ETV7: variants seen among roughly 807,000 people sequenced by gnomAD.
The protein encoded by ETV7 is ETS variant transcription factor 7.
In ETV7, 43 loss-of-function variants were observed where a neutral mutation model predicts 39.1. The observed-to-expected ratio is 1.10, with a 90% confidence interval of 0.86 to 1.42. The LOEUF is 1.42. Ranked by LOEUF, ETV7 falls within the 40% of genes most tolerant of loss-of-function variation. The pLI is 0.00. For synonymous variants in ETV7, 196 were observed against 176.6 expected, an observed-to-expected ratio of 1.11 and a Z score of -0.87; for missense variants, 432 against 442.3, an observed-to-expected ratio of 0.98 and a Z score of 0.21.
chr6:36,382,979 A>G (rs1203419904), intron 2 of ETV7, among the ~76,000 whole-genome samples: 1 of 73,704 alleles, frequency 1.4e-5, no homozygotes, highest in Non-Finnish European at 2.6e-5. Flanking sequence ...CCTGAGTCTC[A>G]GTTTCTCTGT....
intron 2 of ETV7, 113 bp from the exon 3 acceptor site, chr6:36,376,148 C>T (rs1773332511): frequency 1.1e-6 from 1 of 920,946 alleles, no homozygotes; most frequent in Non-Finnish European, 1.6e-6. Context: ...CAACCCCCAT[C>T]ATCTTCTGTC....
At chr6:36,381,444 C>T (rs950404328) in intron 2 of ETV7, among the ~76,000 whole-genome samples, 1 of 152,198 alleles carries the variant, frequency 6.6e-6, no homozygotes, top group Non-Finnish European at 1.5e-5. Flanking sequence ...ATACGGTATG[C>T]TCATCACAAT....
rs149022661 is a variant in ETV7 at position 36,356,358 on chromosome 6, A to C, written c.909-1671T>G. Among the ~76,000 whole-genome samples, 264 of 152,044 alleles carry C rather than the reference A, an allele frequency of 1.7e-3. 1 individual carries two copies. Among genetic ancestry groups the C allele is most frequent in the African/African-American group, 5.9e-3 (245 of 41,498 alleles). Reference sequence around the variant, plus strand: ...AAAAAAACAAAAAAAAACACAAACAAACACACGTATCCCAAACATATATAC... The same window carrying C: ...AAAAAAACAAAAAAAAACACAAACACACACACGTATCCCAAACATATATAC... On this transcript the variant is annotated intron_variant, in intron 7 of 7. Coordinates refer to the ETV7 transcript ENST00000339796.
chr6:36,376,920 C>T (rs1385583812), intron 2 of ETV7, among the ~76,000 whole-genome samples: 1 of 152,166 alleles, frequency 6.6e-6, no homozygotes, highest in Non-Finnish European at 1.5e-5. Flanking sequence ...TTTTCTGCTC[C>T]ATTGTGCCAA....
Position 36,371,332 on chromosome 6 carries a change from G to A in ETV7, c.662C>T (p.Ala221Val). 1.3e-6 allele frequency: 2 copies of A among 1,581,716 alleles called. No homozygotes were observed. Among genetic ancestry groups the A allele is most frequent in the Non-Finnish European group, 1.7e-6 (2 of 1,162,736 alleles). ...CAGAGGAACAGCCTCCCACTCACCAGCGATCCTGCCGTCAATGGGGGCCTG... is the reference window on the plus strand; with the variant it reads ...CAGAGGAACAGCCTCCCACTCACCAACGATCCTGCCGTCAATGGGGGCCTG... ...MPQAPIDGRI[A>V]DCRLLWDYVY... Residue 221 changes from alanine (A) to valine (V), a missense_variant and splice_region_variant, in exon 5 of 8, where the codon GCT becomes GTT. Transcript: ENST00000340181.
chr6:36,375,025 C>T (rs539195706), intron 3 of ETV7, among the ~76,000 whole-genome samples: 33 of 149,340 alleles, frequency 2.2e-4, no homozygotes, highest in East Asian at 7.8e-4. Context: ...GCCAGGATCG[C>T]GCCACTACAC....
intron 7 of ETV7, among the ~76,000 whole-genome samples, chr6:36,356,650 G>A (rs1165030989): frequency 1.3e-5 from 2 of 152,186 alleles, no homozygotes; most frequent in Non-Finnish European, 2.9e-5. Flanking sequence ...CAGTTGCTGT[G>A]GCCACGGAAA....
At chr6:36,367,855 G>A (rs576392840) in intron 6 of ETV7, among the ~76,000 whole-genome samples, 1 of 152,086 alleles carries the variant, frequency 6.6e-6, no homozygotes, top group East Asian at 1.9e-4. Flanking sequence ...ATGAAAAGGA[G>A]AACACCCATC....
At chr6:36,384,758 A>G (rs1773811892) in intron 2 of ETV7, among the ~76,000 whole-genome samples, 1 of 152,028 alleles carries the variant, frequency 6.6e-6, no homozygotes, top group South Asian at 2.1e-4. Flanking sequence ...GTGTGGTGGC[A>G]CACACCTGTA....
intron 7 of ETV7, among the ~76,000 whole-genome samples, chr6:36,360,383 A>G (rs912300489): frequency 6.6e-6 from 1 of 152,200 alleles, no homozygotes; most frequent in East Asian, 1.9e-4. Flanking sequence ...GAAAATAGGA[A>G]TTGCAGAAAC....
At chr6:36,369,843 C>T (rs1483951280) in intron 5 of ETV7, among the ~76,000 whole-genome samples, 1 of 151,610 alleles carries the variant, frequency 6.6e-6, no homozygotes, top group Non-Finnish European at 1.5e-5. Flanking sequence ...GAATTTGAGG[C>T]AGCAGTGAGC....
At position 36,356,543 on chromosome 6, in the gene ETV7, T is replaced by G. The variant is rs181993407; in HGVS notation, c.909-1856A>C. Among the ~76,000 whole-genome samples, 692 of 152,278 alleles carry G rather than the reference T, an allele frequency of 4.5e-3. 7 individuals are homozygous for G. Among genetic ancestry groups the G allele is most frequent in the African/African-American group, 0.016 (655 of 41,562 alleles). The stretch of plus-strand genomic sequence containing the variant: ...GTCCCCTCATGGCAGAAGACACAGC[T>G]GCCACTAGCTTGGGGTAACTTCCCA... On this transcript the variant is annotated intron_variant, in intron 7 of 7. Transcript: ENST00000339796.
At position 36,371,365 on chromosome 6, in the gene ETV7, G is replaced by T; in HGVS notation, c.629C>A (p.Ala210Glu). 6.3e-7 allele frequency: 1 copy of T among 1,598,888 alleles called. No homozygotes were observed. Among genetic ancestry groups the T allele is most frequent in the Non-Finnish European group, 8.5e-7 (1 of 1,171,782 alleles). The change falls in exon 5 of 8, where the codon GCG becomes GAG. Residue 210 changes from alanine (A) to glutamate (E), a missense_variant. Ala to Glu is a moderately radical substitution (Grantham distance 107). Coordinates refer to ENST00000340181, the MANE Select transcript of ETV7 (RefSeq NM_016135.4). ...CRTQGVCSFP[A>E]MPQAPIDGRI... ...GCCGTCAATGGGGGCCTGCGGCATC[G>T]CGGGGAAGGAACAGACCCCCTGGGT...
chr6:36,383,812 A>C (rs1773765817), intron 2 of ETV7, among the ~76,000 whole-genome samples: 1 of 152,368 alleles, frequency 6.6e-6, no homozygotes, highest in East Asian at 1.9e-4. Flanking sequence ...ATGTTCCAAT[A>C]AATATGAGTC....
intron 7 of ETV7, among the ~76,000 whole-genome samples, chr6:36,357,917 A>G (rs60574842): frequency 0.041 from 6,292 of 152,058 alleles, 244 homozygotes; most frequent in East Asian, 0.13. Context: ...CACCTCCCCA[A>G]TCCTTCACGC....
downstream of ETV7, among the ~76,000 whole-genome samples, chr6:36,362,398 G>A (rs7739960): frequency 0.07 from 10,721 of 152,144 alleles, 707 homozygotes; most frequent in African/African-American, 0.17. Flanking sequence ...AGGAAGCAGA[G>A]GTTGCAGTGA....
chr6:36,372,902 C>A (rs776117951), intron 4 of ETV7, among the ~76,000 whole-genome samples: 1 of 151,532 alleles, frequency 6.6e-6, no homozygotes, highest in Non-Finnish European at 1.5e-5. Flanking sequence ...GATTGCCCAG[C>A]ATCTGAATGC....
Position 36,360,264 on chromosome 6 carries a change from T to C in ETV7, c.909-5577A>G, listed in dbSNP as rs575460910. 3.3e-5 allele frequency among the ~76,000 whole-genome samples: 5 copies of C among 152,316 alleles called. No individual in the cohort carries two copies. In the East Asian group the frequency reaches 7.7e-4, roughly 23 times the overall value. On this transcript the variant is annotated intron_variant, in intron 7 of 7. Coordinates refer to the ETV7 transcript ENST00000339796. The stretch of plus-strand genomic sequence containing the variant: ...GAGGCTCTGACATGCCCCTAGCAGA[T>C]GTCCCAGATCTGTAAGAGGCCTCAT...
chr6:36,361,677 C>T (rs1772492979), downstream of ETV7, among the ~76,000 whole-genome samples: 1 of 152,258 alleles, frequency 6.6e-6, no homozygotes, highest in Non-Finnish European at 1.5e-5. Flanking sequence ...AAGACCAGAG[C>T]TCATGCTCAT....
Sources: allele counts gnomAD v4.1 joint callset (sites outside exome capture counted in the v4.1 genomes callset), GRCh38; gene constraint gnomAD v4.1.1; transcripts MANE v1.5; gene names NCBI Gene and HGNC (gene_info 2026-07-23, HGNC 2026-07-21).